Variants in TMEM272 observed in about 807,000 individuals in gnomAD.
TMEM272 encodes the protein long intergenic non-protein coding RNA 282.
In TMEM272, 8 loss-of-function variants were observed where a neutral mutation model predicts 3.7. The ratio of observed to expected loss-of-function variants is 2.17; its 90% confidence interval spans 1.27 to 3.91. The LOEUF is 3.91. Ranked by LOEUF, TMEM272 falls within the 30% of genes most tolerant of loss-of-function variation. TMEM272 has a pLI of 0.00. For missense variants in TMEM272, 166 were observed against 91.5 expected, an observed-to-expected ratio of 1.81 and a Z score of -3.32; for synonymous variants, 63 against 39.8, an observed-to-expected ratio of 1.58 and a Z score of -2.20.
intron 4 of TMEM272, among the ~76,000 whole-genome samples, chr13:51,817,970 G>A (rs2139545386): frequency 6.6e-6 from 1 of 152,304 alleles, no homozygotes; most frequent in South Asian, 2.1e-4. Context: ...TGCAGCGGTG[G>A]AAGGACACAG....
At chr13:51,851,965 G>GT in the TMEM272 span, among the ~76,000 whole-genome samples, 1 of 152,182 alleles carries the variant, frequency 6.6e-6, no homozygotes, top group African/African-American at 2.4e-5. Context: ...ACCTACACAA[G>GT]TATCTTTCTG....
chr13:51,878,503 G>A, the TMEM272 span, among the ~76,000 whole-genome samples: 1 of 152,110 alleles, frequency 6.6e-6, no homozygotes, highest in Non-Finnish European at 1.5e-5. Flanking sequence ...ACAGCATGGG[G>A]GGGAATGCCC....
chr13:51,894,632 T>G, the TMEM272 span, among the ~76,000 whole-genome samples: 1 of 152,130 alleles, frequency 6.6e-6, no homozygotes, highest in Non-Finnish European at 1.5e-5. Context: ...CTGAGAAGTT[T>G]GCAAAAGGGC....
the TMEM272 span, among the ~76,000 whole-genome samples, chr13:51,913,702 G>A: frequency 1.3e-5 from 2 of 152,150 alleles, no homozygotes; most frequent in Admixed American, 6.5e-5. Flanking sequence ...CCAGAGGATT[G>A]GGCCAGCCAG....
At chr13:51,880,618 A>ATTT in the TMEM272 span, among the ~76,000 whole-genome samples, 19 of 151,284 alleles carry the variant, frequency 1.3e-4, no homozygotes, top group Non-Finnish European at 2.2e-4. Context: ...GTAAAATAAA[A>ATTT]TAAAAAAATT....
At chr13:51,870,444 C>G in the TMEM272 span, among the ~76,000 whole-genome samples, 1 of 151,734 alleles carries the variant, frequency 6.6e-6, no homozygotes, top group South Asian at 2.1e-4. Flanking sequence ...AGGGCAAAGC[C>G]CAGAAGAAAT....
the TMEM272 span, among the ~76,000 whole-genome samples, chr13:51,906,076 G>A: frequency 6.6e-6 from 1 of 152,160 alleles, no homozygotes; most frequent in South Asian, 2.1e-4. Context: ...TGTTCTGGAG[G>A]GACTGAAATC....
chr13:51,838,976 C>T (rs1042188695), intron 1 of TMEM272, among the ~76,000 whole-genome samples: 1 of 152,178 alleles, frequency 6.6e-6, no homozygotes, highest in Non-Finnish European at 1.5e-5. Flanking sequence ...ACCCTGAGAG[C>T]TTAAGATTCA....
the TMEM272 span, among the ~76,000 whole-genome samples, chr13:51,861,138 T>A: frequency 2.0e-5 from 3 of 151,674 alleles, no homozygotes; most frequent in Non-Finnish European, 2.9e-5. Context: ...ATTAAAAAAA[T>A]TAAAAAGAAG....
At chr13:51,837,705 A>G (rs1956227869) in intron 2 of TMEM272, among the ~76,000 whole-genome samples, 1 of 152,174 alleles carries the variant, frequency 6.6e-6, no homozygotes, top group Non-Finnish European at 1.5e-5. Flanking sequence ...ACGTCATGGG[A>G]GGAGAAGTGG....
intron 3 of TMEM272, among the ~76,000 whole-genome samples, chr13:51,824,724 G>A (rs759351039): frequency 2.0e-5 from 3 of 152,158 alleles, no homozygotes; most frequent in Admixed American, 1.3e-4. Flanking sequence ...AGGCCGAGGC[G>A]GGCAGATCAC....
the TMEM272 span, chr13:51,865,626 TC>T: frequency 6.2e-7 from 1 of 1,614,032 alleles, no homozygotes. Context: ...CGGGGCCAGA[TC>T]CTGGGTTTTT....
chr13:51,859,547 C>CACACACAG, the TMEM272 span, among the ~76,000 whole-genome samples: 5 of 150,466 alleles, frequency 3.3e-5, no homozygotes, highest in Non-Finnish European at 5.9e-5. Context: ...CACACACACA[C>CACACACAG]AGACACCCCC....
chr13:51,857,601 A>T, the TMEM272 span, among the ~76,000 whole-genome samples: 1 of 152,154 alleles, frequency 6.6e-6, no homozygotes, highest in Non-Finnish European at 1.5e-5. Context: ...AAGGATGCCT[A>T]TTATAATCTC....
the TMEM272 span, among the ~76,000 whole-genome samples, chr13:51,903,448 G>C: frequency 6.6e-6 from 1 of 152,162 alleles, no homozygotes; most frequent in East Asian, 1.9e-4. Flanking sequence ...GTCAGGGAGG[G>C]AAGAGAGACT....
the TMEM272 span, among the ~76,000 whole-genome samples, chr13:51,896,772 G>A: frequency 6.6e-6 from 1 of 152,204 alleles, no homozygotes; most frequent in African/African-American, 2.4e-5. Context: ...GGGTCTGACT[G>A]TTGTGAGAAC....
chr13:51,875,316 G>C, the TMEM272 span, among the ~76,000 whole-genome samples: 11 of 152,238 alleles, frequency 7.2e-5, no homozygotes, highest in African/African-American at 2.4e-4. Context: ...TTTGGCTCCA[G>C]AACTCATTTT....
the TMEM272 span, chr13:51,932,518 G>A: frequency 0.039 from 5,984 of 152,342 alleles, 127 homozygotes; most frequent in Middle Eastern, 0.088. Context: ...GCAGATCAAG[G>A]GGGCTCTGCC....
upstream of TMEM272, among the ~76,000 whole-genome samples, chr13:51,846,492 A>C (rs1405840946): frequency 2.1e-5 from 3 of 144,956 alleles, no homozygotes; most frequent in Non-Finnish European, 4.5e-5. Flanking sequence ...ACTTTACAGT[A>C]ATAAAAAACA....
Sources: allele counts gnomAD v4.1 joint callset (sites outside exome capture counted in the v4.1 genomes callset), GRCh38; gene constraint gnomAD v4.1.1; transcripts MANE v1.5; gene names NCBI Gene and HGNC (gene_info 2026-07-23, HGNC 2026-07-21).